HTT: variants seen among roughly 807,000 people sequenced by gnomAD.
The protein encoded by HTT is huntington disease protein.
In HTT, 104 loss-of-function variants were observed where a neutral mutation model predicts 362.3. The ratio of observed to expected loss-of-function variants is 0.29; its 90% CI spans 0.24 to 0.34. The LOEUF is 0.34. Ranked by LOEUF, HTT falls within the 10% of genes least tolerant of loss-of-function variation. The probability of loss-of-function intolerance (pLI) is 1.00; values close to 1 mark genes in which losing one functional copy is unlikely to be tolerated. For missense variants in HTT, 3,301 were observed against 3,928.6 expected (o/e 0.84, Z 4.27); for synonymous variants, 1,577 against 1,548.7 (o/e 1.02, Z -0.43).
intron 1 of HTT, among the ~76,000 whole-genome samples, chr4:3,076,257 G>T (rs1712543446): frequency 6.6e-6 from 1 of 152,180 alleles, no homozygotes; most frequent in Non-Finnish European, 1.5e-5. Context: ...CGAGTGTACA[G>T]TAGGAGTTAG....
At chr4:3,143,217 A>C (rs1716431064) in intron 23 of HTT, among the ~76,000 whole-genome samples, 1 of 152,124 alleles carries the variant, frequency 6.6e-6, no homozygotes, top group African/African-American at 2.4e-5. Flanking sequence ...TTGGGGGCTC[A>C]CTTGAGGTCA....
At position 3,145,762 on chromosome 4, in the gene HTT, G is replaced by C. The variant is rs538826305; in HGVS notation, c.3143+534G>C. Reference sequence around the variant, plus strand: ...GTATCAATTACTGAGAATGATTTTGGTGACTCACATCACATTTGAGAAGTA... The same window carrying C: ...GTATCAATTACTGAGAATGATTTTGCTGACTCACATCACATTTGAGAAGTA... On this transcript the variant is annotated intron_variant, in intron 24 of 66. Coordinates refer to ENST00000355072, the MANE Select transcript of HTT (RefSeq NM_001388492.1). Among the ~76,000 whole-genome samples, 29 of 152,304 alleles carry C rather than the reference G, an allele frequency of 1.9e-4. 1 individual carries two copies. The highest frequency in any genetic ancestry group is 6.7e-4 in the African/African-American group (28 of 41,558).
chr4:3,147,139 T>C (rs1433795213), intron 25 of HTT, among the ~76,000 whole-genome samples, 191 bp downstream of exon 25: 2 of 152,236 alleles, frequency 1.3e-5, no homozygotes, highest in African/African-American at 4.8e-5. Flanking sequence ...CTGTGCTGAG[T>C]ATTTTAAAGT....
At chr4:3,239,390 G>T (rs1253039489) in intron 66 of HTT, among the ~76,000 whole-genome samples, 2 of 150,912 alleles carry the variant, frequency 1.3e-5, no homozygotes, top group African/African-American at 4.8e-5. Context: ...TAAAGATCCA[G>T]TTCCCACCCC....
At chr4:3,230,216 C>T (rs1450672161) in intron 60 of HTT, among the ~76,000 whole-genome samples, 174 bp downstream of exon 60, 2 of 152,192 alleles carry the variant, frequency 1.3e-5, no homozygotes, top group Non-Finnish European at 2.9e-5. Context: ...GGGGGTTCAG[C>T]GACGGTCAGT....
At chr4:3,139,448 T>C (rs994748575) in intron 21 of HTT, among the ~76,000 whole-genome samples, 1 of 152,180 alleles carries the variant, frequency 6.6e-6, no homozygotes, top group Non-Finnish European at 1.5e-5. Context: ...TCCCCCTGTC[T>C]CGGCCTCCCA....
At position 3,217,697 on chromosome 4, in the gene HTT, A is replaced by G. The variant is rs1033077619; in HGVS notation, c.7055-68A>G. On this transcript the variant is annotated intron_variant, in intron 51 of 66. Coordinates refer to ENST00000355072, the MANE Select transcript of HTT (RefSeq NM_001388492.1). Reference sequence around the variant, plus strand: ...CAGCTTGAGCAGCTGGTTGTAGGTCATGCTTTCTACACTGGGCATATAGGA... The same window carrying G: ...CAGCTTGAGCAGCTGGTTGTAGGTCGTGCTTTCTACACTGGGCATATAGGA... The G allele has an allele frequency of 3.7e-6, 5 of 1,366,824 alleles. No individual in the cohort carries two copies. The African/African-American group carries it at 7.2e-5, about 20-fold the overall frequency. The allele number at this position is 1,366,824 out of a possible 1,614,324, so 84.7% of individuals were successfully genotyped here. A position where few individuals can be genotyped will look rare whatever the true frequency, so the allele number is the denominator to read the frequency against.
rs925357780 is a variant in HTT at position 3,201,529 on chromosome 4, C to CAA, written c.5576+1613_5576+1614dup. On this transcript the variant is annotated intron_variant, in intron 41 of 66. Coordinates refer to ENST00000355072, the MANE Select transcript of HTT (RefSeq NM_001388492.1). ...TGGGTGACAGAGTGAGACTCCATCTCAAAAAAAAAAAAAAAAAAAAAAAAT... is the reference window on the plus strand; with the variant it reads ...TGGGTGACAGAGTGAGACTCCATCTCAAAAAAAAAAAAAAAAAAAAAAAAAAT... Among the ~76,000 whole-genome samples, 219 of 61,166 alleles carry CAA rather than the reference C, an allele frequency of 3.6e-3. 1 individual carries two copies. Among genetic ancestry groups the CAA allele is most frequent in the African/African-American group, 8.1e-3 (150 of 18,616 alleles). The allele number at this position is 61,166 out of a possible 152,430, so 40.1% of individuals were successfully genotyped here. A position where few individuals can be genotyped will look rare whatever the true frequency, so the allele number is the denominator to read the frequency against.
At chr4:3,222,573 CTGG>C in intron 54 of HTT, 86 bp downstream of exon 54, 1 of 970,024 alleles carries the variant, frequency 1.0e-6, no homozygotes, top group South Asian at 1.4e-5. Context: ...AGGCAGCAAG[CTGG>C]TGTTCTTTTT....
At chr4:3,163,003 C>T (rs560202589) in intron 29 of HTT, among the ~76,000 whole-genome samples, 18 of 152,188 alleles carry the variant, frequency 1.2e-4, no homozygotes, top group East Asian at 5.8e-4. Context: ...TGTCTTGTGC[C>T]GGTTTTCGAA....
At chr4:3,078,594 G>A (rs1030519904) in intron 1 of HTT, among the ~76,000 whole-genome samples, 2 of 152,084 alleles carry the variant, frequency 1.3e-5, no homozygotes, top group African/African-American at 4.8e-5. Flanking sequence ...TTTTGAGACA[G>A]TTCTTGCTCT....
At chr4:3,137,938 C>G (rs922511741) in intron 21 of HTT, among the ~76,000 whole-genome samples, 4 of 152,186 alleles carry the variant, frequency 2.6e-5, no homozygotes, top group African/African-American at 9.7e-5. Flanking sequence ...AATTATGGTA[C>G]TGTGAACATT....
intron 26 of HTT, among the ~76,000 whole-genome samples, chr4:3,150,880 C>CA (rs1015086245): frequency 1.3e-5 from 2 of 151,036 alleles, no homozygotes; most frequent in Non-Finnish European, 3.0e-5. Context: ...ACTAAAAATA[C>CA]AAAAAAAAAT....
intron 47 of HTT, among the ~76,000 whole-genome samples, chr4:3,210,932 C>T (rs953664140): frequency 4.7e-5 from 4 of 85,610 alleles, no homozygotes; most frequent in African/African-American, 1.7e-4. Context: ...GACAAAGTCT[C>T]GCTGTTGTCC....
At chr4:3,095,338 A>G (rs928707231) in intron 2 of HTT, among the ~76,000 whole-genome samples, 28 of 152,234 alleles carry the variant, frequency 1.8e-4, no homozygotes, top group Non-Finnish European at 4.0e-4. Flanking sequence ...CAGCCCGGCC[A>G]ACACGGCGAA....
In HTT at chr4:3,173,083, C is replaced by T; in HGVS notation, c.4118C>T (p.Ala1373Val). The T allele has an allele frequency of 6.2e-7, 1 of 1,614,160 alleles. No homozygotes were observed. The highest frequency in any genetic ancestry group is 8.5e-7 in the Non-Finnish European group (1 of 1,180,038). ...YTHFTQALAD[A>V]SLRNMVQAEQ... ...CACTTCACCCAGGCCCTCGCTGACG[C>T]CAGCCTGAGGAACATGGTGCAGGCG... The change falls in exon 31 of 67, where the codon GCC (alanine) becomes GTC (valine). Residue 1373 changes from alanine (A) to valine (V), a missense_variant. This residue lies in a region of HTT where 2,316 missense variants were observed against 2,658.5 expected (regional missense o/e 0.87). Transcript: ENST00000355072.
intron 40 of HTT, among the ~76,000 whole-genome samples, chr4:3,192,420 T>C (rs1719052921): frequency 6.6e-6 from 1 of 152,168 alleles, no homozygotes; most frequent in Admixed American, 6.6e-5. Flanking sequence ...TGGTGGGCTG[T>C]TTTCACATGA....
At chr4:3,143,528 T>G (rs532154549) in intron 23 of HTT, among the ~76,000 whole-genome samples, 53 of 151,944 alleles carry the variant, frequency 3.5e-4, no homozygotes, top group Middle Eastern at 3.4e-3. Flanking sequence ...AGATTATAAT[T>G]AACTCAGTGA....
At chr4:3,223,729 G>A (rs1720780700) in intron 55 of HTT, among the ~76,000 whole-genome samples, 169 bp downstream of exon 55, 1 of 152,226 alleles carries the variant, frequency 6.6e-6, no homozygotes, top group Non-Finnish European at 1.5e-5. Context: ...GTGGCCTCCT[G>A]GTCAGTGAGA....
Sources: gnomAD v4.1 joint callset for allele counts (sites outside exome capture counted in the v4.1 genomes callset) on GRCh38, gnomAD v4.1.1 for gene constraint, gnomAD v4.1.1 regional missense constraint, MANE v1.5 for transcripts, NCBI Gene and HGNC (gene_info 2026-07-23, HGNC 2026-07-21) for gene names.